Variants in IMMP1L observed in about 807,000 individuals in gnomAD.
The protein encoded by IMMP1L is inner mitochondrial membrane peptidase subunit 1, also known as mitochondrial inner membrane protease subunit 1.
In IMMP1L, 24 loss-of-function variants were observed where a neutral mutation model predicts 21.8. The ratio of observed to expected loss-of-function variants is 1.10; its 90% CI spans 0.80 to 1.55. IMMP1L has a LOEUF of 1.55. IMMP1L is among the 40% of genes most tolerant of loss of function. The pLI is 0.00. For synonymous variants in IMMP1L, 46 were observed against 62.8 expected, an observed-to-expected ratio of 0.73 and a Z score of 1.26; for missense variants, 195 against 200.7, an observed-to-expected ratio of 0.97 and a Z score of 0.17.
intron 1 of IMMP1L, chr11:31,473,833 A>T: frequency 1.6e-6 from 1 of 626,506 alleles, no homozygotes; most frequent in Non-Finnish European, 2.0e-6. Flanking sequence ...AAAAATATAT[A>T]TATACACATT....
intron 4 of IMMP1L, among the ~76,000 whole-genome samples, chr11:31,450,501 C>G (rs1400308484): frequency 6.6e-6 from 1 of 152,152 alleles, no homozygotes; most frequent in African/African-American, 2.4e-5. Flanking sequence ...AATATGCAGT[C>G]CTAAATAGAA....
At chr11:31,489,889 C>A (rs1226453852) in intron 1 of IMMP1L, among the ~76,000 whole-genome samples, 3 of 152,232 alleles carry the variant, frequency 2.0e-5, no homozygotes, top group African/African-American at 7.2e-5. Context: ...AATTGGAAGA[C>A]ACATCTAAAT....
chr11:31,501,647 T>G (rs1037052570), intron 1 of IMMP1L, among the ~76,000 whole-genome samples: 1 of 152,010 alleles, frequency 6.6e-6, no homozygotes, highest in African/African-American at 2.4e-5. Context: ...AGACAGAAAT[T>G]AGGGGTTTTA....
At chr11:31,437,914 TAA>T (rs771981948) in intron 4 of IMMP1L, among the ~76,000 whole-genome samples, 25 of 152,218 alleles carry the variant, frequency 1.6e-4, no homozygotes, top group Non-Finnish European at 3.5e-4. Context: ...ATGTTGTATG[TAA>T]AAGTCATTCA....
rs1181108782 is a variant in IMMP1L, at chr11:31,487,501, G to C, written c.-30+22018C>G. On this transcript the variant is annotated intron_variant, in intron 1 of 5. Transcript: ENST00000532287. ...TTTTAAAATAATTTTGGGAGCACTT[G>C]TCTATGCATACAACATGAAGGTCCA... Among the ~76,000 whole-genome samples the C allele has an allele frequency of 3.3e-5, 5 of 152,240 alleles. No individual in the cohort carries two copies. The East Asian group carries it at 9.6e-4, about 29-fold the overall frequency.
At position 31,432,522 on chromosome 11, in the gene IMMP1L, C is replaced by A. The variant is rs1195587340; in HGVS notation, c.479G>T (p.Gly160Val). The change falls in exon 6 of 6, where the codon GGC (glycine) becomes GTC (valine). Residue 160 changes from glycine to valine, a missense_variant. Transcript: ENST00000532287. ...DFGFLRASPN[G>V]HRFSDD ...TTACTAATCATCAGAAAATCTGTGG[C>A]CATTAGGGCTGGCACGTAAAAATCC... 6.2e-7 allele frequency: 1 copy of A among 1,612,354 alleles called. No homozygotes were observed. Among genetic ancestry groups the A allele is most frequent in the African/African-American group, 1.3e-5 (1 of 74,860 alleles).
chr11:31,465,674 C>A (rs1954310741), intron 1 of IMMP1L, among the ~76,000 whole-genome samples: 1 of 151,794 alleles, frequency 6.6e-6, no homozygotes, highest in Non-Finnish European at 1.5e-5. Context: ...TGACACGGTA[C>A]CAGGAACATA....
At chr11:31,442,203 C>G (rs1223548091) in intron 4 of IMMP1L, among the ~76,000 whole-genome samples, 1 of 152,120 alleles carries the variant, frequency 6.6e-6, no homozygotes, top group Non-Finnish European at 1.5e-5. Flanking sequence ...TATGATAAAA[C>G]CTAATCTCAG....
At chr11:31,474,040 G>A (rs1954652523) in intron 1 of IMMP1L, among the ~76,000 whole-genome samples, 1 of 152,118 alleles carries the variant, frequency 6.6e-6, no homozygotes, top group African/African-American at 2.4e-5. Flanking sequence ...AAGAAAGGGT[G>A]AGCAGAAACA....
intron 1 of IMMP1L, among the ~76,000 whole-genome samples, chr11:31,482,849 C>T (rs1954944440): frequency 6.6e-6 from 1 of 151,920 alleles, no homozygotes; most frequent in South Asian, 2.1e-4. Context: ...CCAGATATAT[C>T]ACCAAAAGAA....
chr11:31,439,311 T>C (rs1289390125), intron 4 of IMMP1L, among the ~76,000 whole-genome samples: 1 of 152,148 alleles, frequency 6.6e-6, no homozygotes, highest in Admixed American at 6.5e-5. Flanking sequence ...TCCTTCAGTT[T>C]GTATACTTTT....
At chr11:31,453,160 G>T in intron 4 of IMMP1L, 1 of 1,229,344 alleles carries the variant, frequency 8.1e-7, no homozygotes, top group Non-Finnish European at 1.1e-6. Context: ...ACTCTGGAAT[G>T]GAAAACAAAC....
chr11:31,445,731 T>TC, intron 4 of IMMP1L, among the ~76,000 whole-genome samples: 1 of 151,836 alleles, frequency 6.6e-6, no homozygotes, highest in Non-Finnish European at 1.5e-5. Context: ...AGATGAATTT[T>TC]TTTTTTTTTT....
chr11:31,489,062 A>G (rs541144982), intron 1 of IMMP1L, among the ~76,000 whole-genome samples: 2 of 151,860 alleles, frequency 1.3e-5, no homozygotes, highest in Admixed American at 6.6e-5. Context: ...ATGCCCAGCT[A>G]ATTTTTTTGT....
In IMMP1L at chr11:31,509,530, A is replaced by G. The variant is rs1955927882; in HGVS notation, c.-41T>C. 3.6e-6 allele frequency: 2 copies of G among 550,260 alleles called. No individual in the cohort carries two copies. The highest frequency in any genetic ancestry group is 6.5e-6 in the Non-Finnish European group (2 of 305,832). 34.1% of individuals were successfully genotyped at this position (550,260 alleles called of 1,614,324 possible). On this transcript the variant is annotated 5_prime_UTR_variant, in exon 1 of 6. Coordinates refer to ENST00000532287, the MANE Select transcript of IMMP1L (RefSeq NM_001304274.2). ...GTGATATTACCTACCTCGGGCCCCA[A>G]AGAACCCTGGAGACCCTCAACCAGG... is the stretch of plus-strand genomic sequence containing the variant.
intron 1 of IMMP1L, among the ~76,000 whole-genome samples, chr11:31,470,973 G>A (rs1014101767): frequency 2.6e-5 from 4 of 152,208 alleles, no homozygotes; most frequent in Admixed American, 1.3e-4. Flanking sequence ...TGGAAAGTGT[G>A]AGGCATGATA....
intron 4 of IMMP1L, among the ~76,000 whole-genome samples, chr11:31,453,798 T>C (rs1485744386): frequency 1.3e-5 from 2 of 152,212 alleles, no homozygotes; most frequent in Non-Finnish European, 2.9e-5. Context: ...AATACTTCCC[T>C]GTGTTTTTTT....
chr11:31,477,660 G>A lies in IMMP1L; in HGVS notation c.-29-14355C>T, dbSNP rs954343857. 9 of 310,068 alleles carry A rather than the reference G, an allele frequency of 2.9e-5. 1 individual carries two copies. In the South Asian group the frequency reaches 3.8e-4, roughly 13 times the overall value. The allele number at this position is 310,068 out of a possible 1,614,324, so 19.2% of individuals were successfully genotyped here. A position where few individuals can be genotyped will look rare whatever the true frequency, so the allele number is the denominator to read the frequency against. On this transcript the variant is annotated intron_variant, in intron 1 of 5. Transcript: ENST00000532287. ...CTTTTTCTGCAGTGAAGGTGTTACCGATAATCCCATTACACTGGTACTAAA... is the reference window on the plus strand; with the variant it reads ...CTTTTTCTGCAGTGAAGGTGTTACCAATAATCCCATTACACTGGTACTAAA...
intron 4 of IMMP1L, among the ~76,000 whole-genome samples, chr11:31,454,621 T>G (rs996236246): frequency 6.6e-5 from 10 of 152,158 alleles, no homozygotes; most frequent in African/African-American, 2.4e-4. Flanking sequence ...AATGTACAAT[T>G]ATTATGCATC....
Sources: gnomAD v4.1 joint callset for allele counts (sites outside exome capture counted in the v4.1 genomes callset) on GRCh38, gnomAD v4.1.1 for gene constraint, MANE v1.5 for transcripts, NCBI Gene and HGNC (gene_info 2026-07-23, HGNC 2026-07-21) for gene names.